The following MPP7 variants were observed in gnomAD, a reference collection of about 807,000 sequenced individuals.
MPP7 encodes the protein MAGUK p55 subfamily member 7.
In MPP7, 60 loss-of-function variants were observed where a neutral mutation model predicts 76.5. The observed-to-expected ratio is 0.78, with a 90% CI of 0.64 to 0.97. The LOEUF (loss-of-function observed/expected upper bound fraction) is 0.97, where lower values mean the gene tolerates loss of function less well. Ranked by LOEUF, MPP7 falls within the 50% of genes least tolerant of loss-of-function variation. The pLI is 0.00. For missense variants in MPP7, 641 were observed against 694.0 expected (o/e 0.92, Z 0.86); for synonymous variants, 237 against 244.5 (o/e 0.97, Z 0.29).
chr10:28,193,215 GT>G (rs34271924), intron 3 of MPP7, among the ~76,000 whole-genome samples: 39,533 of 136,354 alleles, frequency 0.29, 7,532 homozygotes, highest in African/African-American at 0.56. Flanking sequence ...TTGGTTTTTT[GT>G]TTTTTTTTTT....
intron 3 of MPP7, among the ~76,000 whole-genome samples, chr10:28,173,100 C>CA (rs1010596652): frequency 6.6e-6 from 1 of 151,698 alleles, no homozygotes; most frequent in Non-Finnish European, 1.5e-5. Context: ...AGTGGCAAAA[C>CA]ATGCTTTCCA....
chr10:28,279,408 C>T (rs555732241), intron 1 of MPP7, among the ~76,000 whole-genome samples: 1 of 152,008 alleles, frequency 6.6e-6, no homozygotes, highest in Non-Finnish European at 1.5e-5. Flanking sequence ...TTGTCATTGG[C>T]TCACTACAGA....
At chr10:28,134,452 T>C (rs1471133965) in intron 5 of MPP7, among the ~76,000 whole-genome samples, 6 of 152,236 alleles carry the variant, frequency 3.9e-5, no homozygotes, top group Non-Finnish European at 8.8e-5. Context: ...TCCCTTTTGG[T>C]AACTTGCCCT....
chr10:28,090,297 G>C (rs1041104859), intron 11 of MPP7, among the ~76,000 whole-genome samples: 2 of 151,704 alleles, frequency 1.3e-5, no homozygotes, highest in Non-Finnish European at 2.9e-5. Flanking sequence ...CATTCAGTAA[G>C]AAAAAAATAA....
intron 2 of MPP7, among the ~76,000 whole-genome samples, chr10:28,214,164 T>C (rs534893075): frequency 6.6e-6 from 1 of 152,348 alleles, no homozygotes; most frequent in East Asian, 1.9e-4. Context: ...TTTTATGTAA[T>C]AATCTGCTGT....
rs539845874 is a variant in MPP7, at chr10:28,153,926, C to T, written c.157-3867G>A. 6.6e-5 allele frequency among the ~76,000 whole-genome samples: 10 copies of T among 152,172 alleles called. No homozygotes were observed. In the South Asian group the frequency reaches 2.1e-3, roughly 32 times the overall value. On this transcript the variant is annotated intron_variant, in intron 3 of 16. Transcript: ENST00000683449. ...CTCTTCAGCATGTTAATTAATGGTA[C>T]CAGATCTAGAATTAGCACATGCATG... is the stretch of plus-strand genomic sequence containing the variant.
intron 12 of MPP7, among the ~76,000 whole-genome samples, chr10:28,080,327 T>G (rs1490803393): frequency 6.6e-6 from 1 of 151,976 alleles, no homozygotes; most frequent in Non-Finnish European, 1.5e-5. Context: ...CATCCCTGAG[T>G]GTTCCGTGGC....
intron 3 of MPP7, among the ~76,000 whole-genome samples, chr10:28,177,380 C>G (rs1443334106): frequency 6.6e-6 from 1 of 151,380 alleles, no homozygotes; most frequent in East Asian, 1.9e-4. Context: ...TGCACTCCAG[C>G]CTGGGCAACG....
intron 13 of MPP7, 85 bp from the exon 14 acceptor site, chr10:28,059,828 T>C: frequency 1.1e-6 from 1 of 919,182 alleles, no homozygotes; most frequent in Non-Finnish European, 1.7e-6. Flanking sequence ...GGGTATTTAA[T>C]TAGTTTTTTC....
At chr10:28,239,145 A>T (rs12242569) in intron 1 of MPP7, among the ~76,000 whole-genome samples, 4 of 142,484 alleles carry the variant, frequency 2.8e-5, no homozygotes, top group East Asian at 2.0e-4. Context: ...TTATTTTTTT[A>T]TTTTTATTTT....
upstream of MPP7, chr10:28,303,600 G>T (rs1411080080): frequency 6.6e-6 from 1 of 152,206 alleles, no homozygotes; most frequent in East Asian, 1.9e-4. Context: ...TGGCGACACT[G>T]TAGGTGACTT....
intron 2 of MPP7, among the ~76,000 whole-genome samples, chr10:28,204,044 T>C (rs560884808): frequency 6.6e-6 from 1 of 152,330 alleles, no homozygotes; most frequent in African/African-American, 2.4e-5. Flanking sequence ...CAAACACAGC[T>C]AGATTCAAAC....
intron 11 of MPP7, among the ~76,000 whole-genome samples, chr10:28,092,577 C>CTTTTTT (rs397969009): frequency 1.7e-5 from 2 of 121,096 alleles, no homozygotes; most frequent in Non-Finnish European, 3.3e-5. Context: ...GAAAAGGGAC[C>CTTTTTT]TTTTTTTTTT....
Position 28,119,642 on chromosome 10 carries a change from C to G in MPP7, c.952+9G>C. ...TTTGGTTTCTCTGCATTCTTATTAA[C>G]AAACTTACATGATTTCCTGTTGGAA... On this transcript the variant is annotated intron_variant, in intron 11 of 16. Transcript: ENST00000683449. 1 of 1,611,594 alleles carries G rather than the reference C, an allele frequency of 6.2e-7. No homozygotes were observed. Among genetic ancestry groups the G allele is most frequent in the Non-Finnish European group, 8.5e-7 (1 of 1,177,966 alleles).
chr10:28,075,033 C>T (rs1454121416), intron 12 of MPP7, among the ~76,000 whole-genome samples: 1 of 151,828 alleles, frequency 6.6e-6, no homozygotes, highest in Non-Finnish European at 1.5e-5. Context: ...CTGAGGAGGC[C>T]TTAGGAAACT....
chr10:28,250,237 T>C (rs1325258278), intron 1 of MPP7, among the ~76,000 whole-genome samples: 1 of 152,140 alleles, frequency 6.6e-6, no homozygotes, highest in Non-Finnish European at 1.5e-5. Context: ...ATGGTGTCTG[T>C]AATTTATGCA....
intron 8 of MPP7, among the ~76,000 whole-genome samples, chr10:28,121,645 T>A (rs1033730249): frequency 6.6e-6 from 1 of 152,150 alleles, no homozygotes; most frequent in South Asian, 2.1e-4. Flanking sequence ...ATTTAATTAT[T>A]TATGCCATTA....
At chr10:28,131,252 G>C (rs11006890) in intron 6 of MPP7, among the ~76,000 whole-genome samples, 10,944 of 152,154 alleles carry the variant, frequency 0.072, 902 homozygotes, top group East Asian at 0.41. Flanking sequence ...CGTTCCCATA[G>C]ACAATAGCAA....
chr10:28,244,825 G>A (rs1312730778), intron 1 of MPP7, among the ~76,000 whole-genome samples: 2 of 152,096 alleles, frequency 1.3e-5, no homozygotes, highest in African/African-American at 2.4e-5. Flanking sequence ...CATCTAGTGC[G>A]GGCTCGGGAA....
Sources: gnomAD v4.1 joint callset for allele counts (sites outside exome capture counted in the v4.1 genomes callset) on GRCh38, gnomAD v4.1.1 for gene constraint, MANE v1.5 for transcripts, NCBI Gene and HGNC (gene_info 2026-07-23, HGNC 2026-07-21) for gene names.